Variants in SEC62 observed in about 807,000 individuals in gnomAD.
SEC62 encodes translocation protein SEC62.
SEC62 carries 10 observed loss-of-function variants against 47.5 expected under a neutral mutation model. The observed-to-expected ratio is 0.21, with a 90% CI of 0.13 to 0.36. The LOEUF (loss-of-function observed/expected upper bound fraction) is 0.36. Ranked by LOEUF, SEC62 falls within the 10% of genes least tolerant of loss-of-function variation. SEC62 has a pLI of 1.00. For missense variants in SEC62, 327 were observed against 464.1 expected (o/e 0.70, Z 2.71); for synonymous variants, 136 against 150.5 (o/e 0.90, Z 0.71).
intron 3 of SEC62, 43 bp downstream of exon 3, chr3:169,977,094 A>G: frequency 2.1e-6 from 3 of 1,396,362 alleles, no homozygotes; most frequent in Non-Finnish European, 3.0e-6. Flanking sequence ...ATAATTTTAA[A>G]TTTTCTTCAT....
In SEC62 at chr3:169,988,226, A is replaced by C. The variant is rs1176542956; in HGVS notation, c.611-14A>C. On this transcript the variant is annotated splice_polypyrimidine_tract_variant and intron_variant, in intron 6 of 7. Transcript: ENST00000337002. Reference sequence around the variant, plus strand: ...TTTATTCTAAAATTTAACTTTTGTCATTTCTTGTTCCAGTGATTGCAGTAA... The same window carrying C: ...TTTATTCTAAAATTTAACTTTTGTCCTTTCTTGTTCCAGTGATTGCAGTAA... 1 of 1,612,950 alleles carries C rather than the reference A, an allele frequency of 6.2e-7. No homozygotes were observed. Among genetic ancestry groups the C allele is most frequent in the South Asian group, 1.1e-5 (1 of 90,980 alleles).
chr3:169,966,873 C>T lies in SEC62; in HGVS notation c.36+15C>T. 1.9e-6 allele frequency: 3 copies of T among 1,550,348 alleles called. No individual in the cohort carries two copies. Among genetic ancestry groups the T allele is most frequent in the South Asian group, 2.4e-5 (2 of 84,122 alleles). ...AGCGGATCCAGGTAGCAAAGCCGAG[C>T]TCTGGGCAGGGGGCTTCGGCGCGCT... is the stretch of plus-strand genomic sequence containing the variant. On this transcript the variant is annotated intron_variant, in intron 1 of 7. Coordinates refer to ENST00000337002, the MANE Select transcript of SEC62 (RefSeq NM_003262.4).
In SEC62 at chr3:169,985,868, A is replaced by G. The variant is rs1422763776; in HGVS notation, c.610+3A>G. ...ATTTGTCATGGGATTAATTCTTGGT[A>G]AGTAGTGAGATGTTAATAGCTATAA... is the stretch of plus-strand genomic sequence containing the variant. On this transcript the variant is annotated splice_donor_region_variant and intron_variant, in intron 6 of 7. Transcript: ENST00000337002. 1 of 1,605,394 alleles carries G rather than the reference A, an allele frequency of 6.2e-7. No individual in the cohort carries two copies. The highest frequency in any genetic ancestry group is 8.5e-7 in the Non-Finnish European group (1 of 1,173,310).
In SEC62 at chr3:169,992,796, A is replaced by G; in HGVS notation, c.933A>G (p.Glu311=). 6.2e-7 allele frequency: 1 copy of G among 1,614,174 alleles called. No individual in the cohort carries two copies. Among genetic ancestry groups the G allele is most frequent in the South Asian group, 1.1e-5 (1 of 91,082 alleles). ...AGCAACAGAAGTCCGACAGTGAGGA[A>G]AAGTCAGACAGTGAGAAAAAGGAAG... The part of the protein sequence containing the change: ...TKKQQKSDSE[E]KSDSEKKEDE... The change falls in exon 8 of 8, where the codon GAA becomes GAG. Residue 311 remains glutamate, a synonymous_variant. Coordinates refer to ENST00000337002, the MANE Select transcript of SEC62 (RefSeq NM_003262.4). The surrounding 1 kb of genome is among the most constrained non-coding windows in gnomAD (Gnocchi z 4.0).
intron 2 of SEC62, 130 bp from the exon 3 acceptor site, chr3:169,976,816 T>C (rs994048516): frequency 5.9e-6 from 3 of 504,978 alleles, no homozygotes; most frequent in African/African-American, 1.9e-5. Context: ...TCATGTTAGA[T>C]TTAGTTTTCT....
At chr3:169,989,922 C>A (rs1267120272) in intron 7 of SEC62, among the ~76,000 whole-genome samples, 1 of 147,910 alleles carries the variant, frequency 6.8e-6, no homozygotes. Flanking sequence ...TCTTTGAAGT[C>A]TTTATATATA....
chr3:169,969,442 G>T, intron 1 of SEC62: 1 of 427,032 alleles, frequency 2.3e-6, no homozygotes. Context: ...CTGCTGCATA[G>T]TAGAAGTTGA....
At chr3:169,976,850 T>A in intron 2 of SEC62, 96 bp from the exon 3 acceptor site, 1 of 754,308 alleles carries the variant, frequency 1.3e-6, no homozygotes, top group South Asian at 2.9e-5. Context: ...TTCTTTTTTG[T>A]TGCCAGAGTG....
chr3:169,986,018 A>C (rs866103665), intron 6 of SEC62, 153 bp downstream of exon 6: 2 of 555,336 alleles, frequency 3.6e-6, no homozygotes, highest in East Asian at 6.0e-5. Flanking sequence ...ATAATACACT[A>C]AGGAAAATAT....
chr3:169,967,185 G>C (rs1407630140), intron 1 of SEC62, among the ~76,000 whole-genome samples: 1 of 152,168 alleles, frequency 6.6e-6, no homozygotes, highest in African/African-American at 2.4e-5. Flanking sequence ...TGGAAGGTCA[G>C]CCTCCCCTGG....
intron 1 of SEC62, 80 bp downstream of exon 1, chr3:169,966,938 A>G (rs1714540952): frequency 2.1e-6 from 1 of 486,052 alleles, no homozygotes; most frequent in African/African-American, 2.6e-5. Context: ...TAAAAGGGCG[A>G]GCGAAAGCAA....
chr3:169,991,387 T>G (rs1251887454), intron 7 of SEC62, among the ~76,000 whole-genome samples: 1 of 152,056 alleles, frequency 6.6e-6, no homozygotes, highest in Non-Finnish European at 1.5e-5. Context: ...CAAGAACCTG[T>G]CTATCAAAGT....
At chr3:169,971,068 CTTTTT>C (rs747459014) in intron 1 of SEC62, among the ~76,000 whole-genome samples, 1 of 136,976 alleles carries the variant, frequency 7.3e-6, no homozygotes, top group African/African-American at 2.7e-5. Context: ...TCTCATGGTA[CTTTTT>C]TTTTTTTTTT....
chr3:169,973,473 C>CT (rs1302526504), intron 1 of SEC62, among the ~76,000 whole-genome samples: 1 of 151,986 alleles, frequency 6.6e-6, no homozygotes, highest in Non-Finnish European at 1.5e-5. Flanking sequence ...ACCAGCCTGG[C>CT]TAACATGGTA....
At chr3:169,978,252 C>T (rs1714887070) in intron 3 of SEC62, among the ~76,000 whole-genome samples, 1 of 152,124 alleles carries the variant, frequency 6.6e-6, no homozygotes, top group African/African-American at 2.4e-5. Flanking sequence ...GCACTCCAGC[C>T]TGGGCGACAG....
At chr3:169,966,954 A>T in intron 1 of SEC62, 96 bp downstream of exon 1, 5 of 89,750 alleles carry the variant, frequency 5.6e-5, no homozygotes, top group Non-Finnish European at 1.5e-4. Context: ...AGCAAGGGCG[A>T]GGTGGGGTGG....
chr3:169,989,136 C>T (rs1715176802), intron 7 of SEC62, among the ~76,000 whole-genome samples: 1 of 150,756 alleles, frequency 6.6e-6, no homozygotes, highest in Admixed American at 6.6e-5. Context: ...CTCTGTCACC[C>T]AAGCTGAAGT....
intron 7 of SEC62, among the ~76,000 whole-genome samples, chr3:169,990,939 A>T (rs549429872): frequency 3.5e-4 from 54 of 152,352 alleles, no homozygotes; most frequent in African/African-American, 1.3e-3. Flanking sequence ...GAATTGTCTA[A>T]AGAAAACAAA....
intron 7 of SEC62, among the ~76,000 whole-genome samples, chr3:169,991,935 T>A (rs916798686): frequency 6.6e-5 from 10 of 152,222 alleles, no homozygotes; most frequent in Non-Finnish European, 5.9e-5. Flanking sequence ...TTTATACAGA[T>A]GTACAGAAAA....
Sources: gnomAD v4.1 joint callset for allele counts (sites outside exome capture counted in the v4.1 genomes callset) on GRCh38, gnomAD v4.1.1 for gene constraint, Gnocchi (gnomAD v3.1) non-coding constraint, MANE v1.5 for transcripts, NCBI Gene and HGNC (gene_info 2026-07-23, HGNC 2026-07-21) for gene names.